The following RERE variants were observed in gnomAD, a reference collection of about 807,000 sequenced individuals.
RERE encodes the protein arginine-glutamic acid dipeptide repeats.
Under a neutral mutation model 146.1 loss-of-function variants are expected in RERE, and 40 were observed. The observed-to-expected ratio is 0.27, with a 90% CI of 0.21 to 0.36. The LOEUF is 0.36. Ranked by LOEUF, RERE falls within the 10% of genes least tolerant of loss-of-function variation. RERE has a pLI of 1.00. For missense variants in RERE, 1,933 were observed against 2,138.7 expected, an observed-to-expected ratio of 0.90 and a Z score of 1.90; for synonymous variants, 1,003 against 866.0, an observed-to-expected ratio of 1.16 and a Z score of -2.78.
chr1:8,456,955 A>G (rs1478658291), intron 11 of RERE, among the ~76,000 whole-genome samples: 1 of 152,174 alleles, frequency 6.6e-6, no homozygotes, highest in Admixed American at 6.5e-5. Flanking sequence ...ACTTAGCAAG[A>G]CTGTTTTAAT....
At chr1:8,813,524 T>C (rs1441723429) in intron 1 of RERE, among the ~76,000 whole-genome samples, 3 of 152,204 alleles carry the variant, frequency 2.0e-5, no homozygotes, top group Non-Finnish European at 4.4e-5. Flanking sequence ...TGTGTGTTTT[T>C]ACAGCACCTG....
intron 3 of RERE, among the ~76,000 whole-genome samples, chr1:8,622,081 C>T (rs556775033): frequency 2.0e-5 from 3 of 152,274 alleles, no homozygotes; most frequent in South Asian, 2.1e-4. Context: ...TTTTTGTAGA[C>T]AGCTTTAATG....
At chr1:8,778,098 A>T (rs1329481450) in intron 1 of RERE, among the ~76,000 whole-genome samples, 1 of 152,196 alleles carries the variant, frequency 6.6e-6, no homozygotes, top group African/African-American at 2.4e-5. Context: ...CATTTCTTAC[A>T]GTCACCACAC....
At chr1:8,795,061 T>C (rs1641441986) in intron 1 of RERE, among the ~76,000 whole-genome samples, 1 of 152,008 alleles carries the variant, frequency 6.6e-6, no homozygotes, top group Admixed American at 6.6e-5. Flanking sequence ...GGAGTCTTGC[T>C]CTGTCGCTCA....
At chr1:8,363,401 T>C (rs1039484106) in intron 15 of RERE, among the ~76,000 whole-genome samples, 11 of 152,182 alleles carry the variant, frequency 7.2e-5, no homozygotes, top group South Asian at 2.1e-4. Flanking sequence ...TTCTGGCTGG[T>C]TGACCTGCTC....
intron 2 of RERE, among the ~76,000 whole-genome samples, chr1:8,636,849 G>C (rs1471698034): frequency 2.6e-5 from 4 of 152,144 alleles, no homozygotes. Context: ...GAGAATGGAG[G>C]CCACATACAA....
intron 1 of RERE, among the ~76,000 whole-genome samples, chr1:8,712,579 A>G (rs1639690097): frequency 6.6e-6 from 1 of 152,178 alleles, no homozygotes; most frequent in Non-Finnish European, 1.5e-5. Flanking sequence ...AGAATAGGGC[A>G]GGTCCTTTAA....
chr1:8,429,141 A>C (rs1416228264), intron 11 of RERE, among the ~76,000 whole-genome samples: 6 of 152,230 alleles, frequency 3.9e-5, no homozygotes, highest in Admixed American at 3.9e-4. Context: ...GCTCTAATGC[A>C]CTAGCTCATT....
chr1:8,700,307 AAAAAAT>A (rs1162015373), intron 1 of RERE, among the ~76,000 whole-genome samples: 1 of 152,138 alleles, frequency 6.6e-6, no homozygotes, highest in Admixed American at 6.5e-5. Flanking sequence ...TCCAACTCAA[AAAAAAT>A]AAAAATAAAA....
At chr1:8,527,977 C>T (rs1349563991) in intron 7 of RERE, among the ~76,000 whole-genome samples, 1 of 152,238 alleles carries the variant, frequency 6.6e-6, no homozygotes, top group Non-Finnish European at 1.5e-5. Context: ...CTCTGGGGAA[C>T]TGCACCTCTC....
chr1:8,508,373 AAG>A (rs1398307618), intron 8 of RERE, among the ~76,000 whole-genome samples: 1 of 152,170 alleles, frequency 6.6e-6, no homozygotes, highest in East Asian at 1.9e-4. Context: ...GCAAGATAGA[AAG>A]AGTTCTGGAG....
intron 1 of RERE, among the ~76,000 whole-genome samples, chr1:8,763,013 G>A (rs1640783854): frequency 6.6e-6 from 1 of 152,118 alleles, no homozygotes; most frequent in African/African-American, 2.4e-5. Flanking sequence ...AAAGAAGTTA[G>A]GGTCCAGTAA....
intron 10 of RERE, among the ~76,000 whole-genome samples, chr1:8,469,071 G>C (rs1332831974): frequency 6.6e-6 from 1 of 151,634 alleles, no homozygotes; most frequent in Non-Finnish European, 1.5e-5. Context: ...TTTAAAAATG[G>C]ATAAAATAAT....
intron 7 of RERE, among the ~76,000 whole-genome samples, chr1:8,532,420 G>C (rs1010640834): frequency 6.8e-6 from 1 of 146,002 alleles, no homozygotes; most frequent in African/African-American, 2.5e-5. Flanking sequence ...CTTTTATTTG[G>C]GGGGGGTCCG....
chr1:8,726,147 C>CTTTTCTTTTTTTTTTTTTTTTTTT (rs1639960710), intron 1 of RERE, among the ~76,000 whole-genome samples: 1 of 69,406 alleles, frequency 1.4e-5, no homozygotes, highest in African/African-American at 6.5e-5. Context: ...TTTTTCTTTT[C>CTTTTCTTTTTTTTTTTTTTTTTTT]TTTTTTTTTT....
chr1:8,742,767 C>T (rs1038964101), intron 1 of RERE, among the ~76,000 whole-genome samples: 2 of 151,128 alleles, frequency 1.3e-5, no homozygotes, highest in South Asian at 4.2e-4. Context: ...ACTCAAGAGG[C>T]TGAGGTGGGA....
chr1:8,768,530 A>C (rs1432937748), intron 1 of RERE, among the ~76,000 whole-genome samples: 1 of 152,226 alleles, frequency 6.6e-6, no homozygotes, highest in Non-Finnish European at 1.5e-5. Context: ...TAGCCACTGA[A>C]CACTTGAAAT....
At chr1:8,502,639 A>G (rs1645189164) in intron 8 of RERE, among the ~76,000 whole-genome samples, 2 of 149,720 alleles carry the variant, frequency 1.3e-5, no homozygotes, top group Admixed American at 6.6e-5. Context: ...GTTTTGTGGA[A>G]TAGAAAGGCG....
In RERE at chr1:8,656,259, C is replaced by CCGG; in HGVS notation, c.38_39insCCG (p.Lys13delinsAsnArg). 1 of 1,612,608 alleles carries CCGG rather than the reference C, an allele frequency of 6.2e-7. No homozygotes were observed. Among genetic ancestry groups the CCGG allele is most frequent in the Non-Finnish European group, 8.5e-7 (1 of 1,178,870 alleles). On this transcript the variant is annotated protein_altering_variant, in exon 2 of 23. Coordinates refer to ENST00000400908, the MANE Select transcript of RERE (RefSeq NM_001042681.2). The stretch of plus-strand genomic sequence containing the variant: ...CTCGGTCCCGGTCTCGGTCCCGGTC[C>CCGG]TTCTCTTTGTCTTTGTCTTTGTCTT...
Sources: gnomAD v4.1 joint callset for allele counts (sites outside exome capture counted in the v4.1 genomes callset) on GRCh38, gnomAD v4.1.1 for gene constraint, MANE v1.5 for transcripts, NCBI Gene and HGNC (gene_info 2026-07-23, HGNC 2026-07-21) for gene names.